Variants in PIGG observed in about 807,000 individuals in gnomAD.
PIGG encodes the protein GPI ethanolamine phosphate transferase 2, catalytic subunit.
A neutral mutation model predicts 83.2 loss-of-function variants in PIGG; 70 were observed. That is an observed-to-expected ratio of 0.84 (90% CI 0.69 to 1.03). PIGG has a LOEUF of 1.03. Among genes scored for constraint, PIGG ranks in the 50% least tolerant of loss-of-function variants. The pLI is 0.00. For missense variants in PIGG, 1,257 were observed against 1,233.6 expected (o/e 1.02, Z -0.28); for synonymous variants, 532 against 519.5 (o/e 1.02, Z -0.33).
At chr4:533,735 C>T in intron 11 of PIGG, 83 bp from the exon 12 acceptor site, 1 of 1,351,174 alleles carries the variant, frequency 7.4e-7, no homozygotes, top group Non-Finnish European at 1.1e-6. Flanking sequence ...ACAGTTCACG[C>T]TAACATCGTG....
At chr4:511,183 C>T (rs1376234248) in intron 5 of PIGG, among the ~76,000 whole-genome samples, 1 of 151,414 alleles carries the variant, frequency 6.6e-6, no homozygotes, top group East Asian at 1.9e-4. Flanking sequence ...ACCCCAGCTA[C>T]TTGGGAGGCT....
In PIGG at chr4:528,898, C is replaced by T. The variant is rs1488229984; in HGVS notation, c.2262-1538C>T. Among the ~76,000 whole-genome samples the T allele has an allele frequency of 1.3e-5, 2 of 152,156 alleles. No individual in the cohort carries two copies. The highest frequency in any genetic ancestry group is 1.3e-4 in the Admixed American group (2 of 15,270). ...GTAAAGTGCCTCCGTCCTTTGTCCC[C>T]ATCTGTCCCGATCGTAAATAGGTCC... On this transcript the variant is annotated intron_variant, in intron 10 of 12. Coordinates refer to ENST00000453061, the MANE Select transcript of PIGG (RefSeq NM_001127178.3). The surrounding 1 kb of genome is among the most constrained non-coding windows in gnomAD (Gnocchi z 4.8).
chr4:499,845 C>G, intron 1 of PIGG: 1 of 552,260 alleles, frequency 1.8e-6, no homozygotes, highest in Non-Finnish European at 2.6e-6. Flanking sequence ...TGCCCCCTAG[C>G]ACACAACAGA....
At chr4:527,653 G>A (rs1213777091) in intron 10 of PIGG, 1 of 989,794 alleles carries the variant, frequency 1.0e-6, no homozygotes, top group Non-Finnish European at 1.2e-6. Context: ...TTTCCCAGCA[G>A]CTGGGAAATG....
intron 12 of PIGG, among the ~76,000 whole-genome samples, chr4:537,776 C>G (rs1731025021): frequency 6.6e-6 from 1 of 152,158 alleles, no homozygotes; most frequent in Admixed American, 6.5e-5. Flanking sequence ...AGGATGGGCC[C>G]CTCCAAGGCC....
At chr4:512,674 A>G (rs1466684083) in intron 5 of PIGG, among the ~76,000 whole-genome samples, 9 of 151,572 alleles carry the variant, frequency 5.9e-5, no homozygotes, top group South Asian at 4.2e-4. Flanking sequence ...AATTAGCCAG[A>G]TGTGGTGGTG....
chr4:522,384 C>T, intron 8 of PIGG: 1 of 282,508 alleles, frequency 3.5e-6, no homozygotes, highest in Non-Finnish European at 6.8e-6. Context: ...CATCCTGCCA[C>T]CCCCAGAATG....
rs576223427 is a variant in PIGG, at chr4:512,599, A to G, written c.902-3374A>G. Among the ~76,000 whole-genome samples the G allele has an allele frequency of 2.0e-3, 308 of 152,002 alleles. 1 individual carries two copies. The highest frequency in any genetic ancestry group is 3.7e-3 in the Non-Finnish European group (251 of 67,988). On this transcript the variant is annotated intron_variant, in intron 5 of 12. Transcript: ENST00000453061. Reference sequence around the variant, plus strand: ...TGGGAGGCCAAGGCGGGTGGATCACAAGGGCAGAAGTTCGAGACCAGCCTG... The same window carrying G: ...TGGGAGGCCAAGGCGGGTGGATCACGAGGGCAGAAGTTCGAGACCAGCCTG...
At chr4:523,423 G>A in intron 8 of PIGG, 36 bp from the exon 9 acceptor site, 1 of 1,442,474 alleles carries the variant, frequency 6.9e-7, no homozygotes, top group Non-Finnish European at 9.6e-7. Flanking sequence ...GTCGTTATCA[G>A]ACCGTCTCTT....
chr4:516,583 TGC>T (rs565081892), intron 6 of PIGG, among the ~76,000 whole-genome samples: 294 of 151,848 alleles, frequency 1.9e-3, no homozygotes, highest in Non-Finnish European at 3.7e-3. Flanking sequence ...CAGGGCTGGG[TGC>T]GGTGGCTCAC....
At chr4:505,643 A>AAC in intron 2 of PIGG, 75 bp from the exon 3 acceptor site, 1 of 1,119,162 alleles carries the variant, frequency 8.9e-7, no homozygotes, top group South Asian at 1.4e-5. Flanking sequence ...AAAAAAAAAA[A>AAC]AAAAAATCTT....
chr4:515,906 A>G lies in PIGG; in HGVS notation c.902-67A>G, dbSNP rs887248717. The G allele has an allele frequency of 7.9e-7, 1 of 1,269,294 alleles. No homozygotes were observed. Among genetic ancestry groups the G allele is most frequent in the East Asian group, 2.3e-5 (1 of 43,130 alleles). 78.6% of individuals were successfully genotyped at this position (1,269,294 alleles called of 1,614,324 possible). On this transcript the variant is annotated intron_variant, in intron 5 of 12. Coordinates refer to ENST00000453061, the MANE Select transcript of PIGG (RefSeq NM_001127178.3). The surrounding 1 kb of genome is among the most constrained non-coding windows in gnomAD (Gnocchi z 4.2). Reference sequence around the variant, plus strand: ...GCTCATGTTAGTTGTAGAAGGTCTAATTCAAGAATGAGTACCATCTTACAC... The same window carrying G: ...GCTCATGTTAGTTGTAGAAGGTCTAGTTCAAGAATGAGTACCATCTTACAC...
At position 499,319 on chromosome 4, in the gene PIGG, A is replaced by C; in HGVS notation, c.-17A>C. Reference sequence around the variant, plus strand: ...TCCAGGTGGGGTCGGTTCCGCATCCAGCCTAGCGTGTCCACGATGCGGCTG... The same window carrying C: ...TCCAGGTGGGGTCGGTTCCGCATCCCGCCTAGCGTGTCCACGATGCGGCTG... On this transcript the variant is annotated 5_prime_UTR_variant, in exon 1 of 13. Coordinates refer to ENST00000453061, the MANE Select transcript of PIGG (RefSeq NM_001127178.3). 3 of 1,604,316 alleles carry C rather than the reference A, an allele frequency of 1.9e-6. No individual in the cohort carries two copies. Among genetic ancestry groups the C allele is most frequent in the African/African-American group, 1.3e-5 (1 of 75,048 alleles).
chr4:512,548 G>A (rs1244410751), intron 5 of PIGG, among the ~76,000 whole-genome samples: 1 of 151,970 alleles, frequency 6.6e-6, no homozygotes, highest in Non-Finnish European at 1.5e-5. Context: ...GCCTGGCACG[G>A]TGGCTCATTT....
chr4:520,596 C>T (rs555876700), intron 6 of PIGG, among the ~76,000 whole-genome samples: 9 of 152,214 alleles, frequency 5.9e-5, no homozygotes, highest in East Asian at 3.8e-4. Context: ...AGGGTCAGGC[C>T]GCTGCCTGCC....
At chr4:510,057 G>A (rs1331485954) in intron 5 of PIGG, among the ~76,000 whole-genome samples, 4 of 152,088 alleles carry the variant, frequency 2.6e-5, no homozygotes, top group African/African-American at 7.2e-5. Context: ...AGACCAGCTC[G>A]GTCCGGGAGA....
chr4:518,579 C>A (rs971623720), intron 6 of PIGG, among the ~76,000 whole-genome samples: 1 of 152,078 alleles, frequency 6.6e-6, no homozygotes, highest in Non-Finnish European at 1.5e-5. Context: ...GGTGACAGAG[C>A]GAGACTCCAT....
In PIGG at chr4:515,569, T is replaced by A. The variant is rs1332028771; in HGVS notation, c.902-404T>A. ...TCGTAGAGGGCAGAGCATGGGATGC[T>A]CCAAATCCAGAGGGGCCGGGCTGTC... On this transcript the variant is annotated intron_variant, in intron 5 of 12. Transcript: ENST00000453061. The surrounding 1 kb of genome is among the most constrained non-coding windows in gnomAD (Gnocchi z 4.2). 6.6e-6 allele frequency among the ~76,000 whole-genome samples: 1 copy of A among 152,188 alleles called. No individual in the cohort carries two copies. Among genetic ancestry groups the A allele is most frequent in the Non-Finnish European group, 1.5e-5 (1 of 68,034 alleles).
chr4:532,428 A>G (rs35629431), intron 11 of PIGG: 28,539 of 152,326 alleles, frequency 0.19, 3,235 homozygotes, highest in African/African-American at 0.32. Context: ...AGGGTCTCCT[A>G]CTGCTTCTGC....
Sources: allele counts gnomAD v4.1 joint callset (sites outside exome capture counted in the v4.1 genomes callset), GRCh38; gene constraint gnomAD v4.1.1; non-coding constraint Gnocchi (gnomAD v3.1); transcripts MANE v1.5; gene names NCBI Gene and HGNC (gene_info 2026-07-23, HGNC 2026-07-21).